Variants in DPP10 observed in about 807,000 individuals in gnomAD.
The protein encoded by DPP10 is inactive dipeptidyl peptidase 10.
Under a neutral mutation model 120.9 loss-of-function variants are expected in DPP10, and 33 were observed. The observed-to-expected ratio is 0.27, with a 90% CI of 0.21 to 0.37. The LOEUF is 0.37. Ranked by LOEUF, DPP10 falls within the 10% of genes least tolerant of loss-of-function variation. The pLI is 1.00. For synonymous variants in DPP10, 337 were observed against 326.1 expected (o/e 1.03, Z -0.36); for missense variants, 816 against 942.8 (o/e 0.87, Z 1.76).
At chr2:115,277,644 A>G (rs1169235108) in intron 1 of DPP10, among the ~76,000 whole-genome samples, 1 of 151,774 alleles carries the variant, frequency 6.6e-6, no homozygotes, top group African/African-American at 2.4e-5. Context: ...ATACATCTAT[A>G]CTTTATTGGT....
intron 5 of DPP10, among the ~76,000 whole-genome samples, chr2:115,583,095 T>C (rs1347396069): frequency 1.3e-5 from 2 of 152,360 alleles, no homozygotes; most frequent in South Asian, 2.1e-4. Context: ...GAGAAAATAG[T>C]GCACTGAATA....
At chr2:115,095,698 C>G (rs1709682925) in intron 1 of DPP10, among the ~76,000 whole-genome samples, 3 of 150,666 alleles carry the variant, frequency 2.0e-5, no homozygotes, top group Admixed American at 6.6e-5. Context: ...TTCTGCACTT[C>G]TAACTGAACA....
At chr2:114,974,012 T>C (rs1699579758) in intron 1 of DPP10, among the ~76,000 whole-genome samples, 1 of 152,204 alleles carries the variant, frequency 6.6e-6, no homozygotes, top group South Asian at 2.1e-4. Flanking sequence ...AAATTAAGTG[T>C]TATTACAGAA....
intron 1 of DPP10, among the ~76,000 whole-genome samples, chr2:114,932,171 T>C (rs979275848): frequency 2.6e-5 from 4 of 152,256 alleles, no homozygotes; most frequent in Non-Finnish European, 4.4e-5. Context: ...AAACTATGGC[T>C]ATAGAGCCAG....
chr2:114,866,372 T>A (rs1574374154), intron 1 of DPP10, among the ~76,000 whole-genome samples: 1 of 151,942 alleles, frequency 6.6e-6, no homozygotes, highest in Non-Finnish European at 1.5e-5. Context: ...GAAAAAAAAA[T>A]CTTCTCTTCT....
At chr2:114,913,907 A>G (rs1392629023) in intron 1 of DPP10, among the ~76,000 whole-genome samples, 5 of 152,090 alleles carry the variant, frequency 3.3e-5, no homozygotes, top group Non-Finnish European at 7.4e-5. Context: ...GAGCTGAAAA[A>G]CTCACTACAG....
chr2:115,301,874 G>T (rs2061154037), intron 1 of DPP10, among the ~76,000 whole-genome samples: 1 of 151,954 alleles, frequency 6.6e-6, no homozygotes, highest in African/African-American at 2.4e-5. Flanking sequence ...ATATATTAAG[G>T]ATAGCTGTCA....
At chr2:115,118,139 T>C (rs2049622234) in intron 1 of DPP10, among the ~76,000 whole-genome samples, 1 of 152,196 alleles carries the variant, frequency 6.6e-6, no homozygotes, top group South Asian at 2.1e-4. Flanking sequence ...AACCTAGATG[T>C]TACTGTTGAT....
chr2:115,261,487 T>C (rs2105752224), intron 1 of DPP10, among the ~76,000 whole-genome samples: 1 of 152,350 alleles, frequency 6.6e-6, no homozygotes, highest in African/African-American at 2.4e-5. Context: ...TTTGTCTATG[T>C]TGGCTTTTCT....
intron 21 of DPP10, among the ~76,000 whole-genome samples, chr2:115,816,741 T>C (rs1187350822): frequency 6.7e-6 from 1 of 150,006 alleles, no homozygotes; most frequent in Non-Finnish European, 1.5e-5. Context: ...ATCAGCCTCC[T>C]GAGTAGCTGG....
At chr2:115,391,576 AG>A (rs2067318064) in intron 3 of DPP10, among the ~76,000 whole-genome samples, 1 of 152,132 alleles carries the variant, frequency 6.6e-6, no homozygotes, top group South Asian at 2.1e-4. Flanking sequence ...TTTAAAGTAC[AG>A]TTTCCAAATT....
At chr2:115,188,846 A>G (rs1380917187) in intron 1 of DPP10, among the ~76,000 whole-genome samples, 1 of 152,190 alleles carries the variant, frequency 6.6e-6, no homozygotes, top group Non-Finnish European at 1.5e-5. Flanking sequence ...TATGAAAAAA[A>G]AAAGCACACC....
At chr2:115,337,439 A>G (rs1391535201) in intron 2 of DPP10, among the ~76,000 whole-genome samples, 2 of 152,080 alleles carry the variant, frequency 1.3e-5, no homozygotes, top group African/African-American at 2.4e-5. Flanking sequence ...GGGAGATAGT[A>G]TAGCTTAATG....
intron 5 of DPP10, among the ~76,000 whole-genome samples, chr2:115,528,578 CTTAT>C (rs1575102025): frequency 6.6e-6 from 1 of 151,940 alleles, no homozygotes; most frequent in East Asian, 1.9e-4. Flanking sequence ...TTGCAGCAGC[CTTAT>C]TTATAATAGC....
intron 1 of DPP10, among the ~76,000 whole-genome samples, chr2:114,700,705 C>T (rs1700336908): frequency 6.6e-6 from 1 of 152,072 alleles, no homozygotes; most frequent in South Asian, 2.1e-4. Flanking sequence ...CATGTACAGC[C>T]TCTTCACTGG....
rs1020887317 is a variant in DPP10 at position 114,907,425 on chromosome 2, T to C, written c.61-401814T>C. On this transcript the variant is annotated intron_variant, in intron 1 of 25. Transcript: ENST00000410059. ...TTGGGATCTTTCTCTTTTTTAAATA[T>C]AGAATTTACAGCTATATATTTATCT... Among the ~76,000 whole-genome samples the C allele has an allele frequency of 3.9e-5, 6 of 152,228 alleles. No homozygotes were observed. In the East Asian group the frequency reaches 5.8e-4, roughly 15 times the overall value.
chr2:114,931,624 G>A (rs1696074830), intron 1 of DPP10, among the ~76,000 whole-genome samples: 1 of 152,174 alleles, frequency 6.6e-6, no homozygotes, highest in Admixed American at 6.5e-5. Context: ...CCAAACTATA[G>A]CACTGGGTAA....
chr2:115,091,786 G>A (rs4849378), intron 1 of DPP10, among the ~76,000 whole-genome samples: 11,497 of 152,270 alleles, frequency 0.076, 832 homozygotes, highest in East Asian at 0.35. Context: ...TCTCTCCTCT[G>A]AGTGTCCATG....
chr2:115,344,098 T>C (rs2063589025), intron 3 of DPP10, among the ~76,000 whole-genome samples, 186 bp downstream of exon 3: 1 of 136,622 alleles, frequency 7.3e-6, no homozygotes, highest in African/African-American at 2.8e-5. Flanking sequence ...ATCGCACCAC[T>C]GCACTCCAAC....
Sources: gnomAD v4.1 joint callset for allele counts (sites outside exome capture counted in the v4.1 genomes callset) on GRCh38, gnomAD v4.1.1 for gene constraint, MANE v1.5 for transcripts, NCBI Gene and HGNC (gene_info 2026-07-23, HGNC 2026-07-21) for gene names.